Variants in ROBO1 observed in about 807,000 individuals in gnomAD.
The protein encoded by ROBO1 is roundabout homolog 1.
ROBO1 carries 149 observed loss-of-function variants against 195.9 expected under a neutral mutation model. That is an observed-to-expected ratio of 0.76 (90% CI 0.67 to 0.87). The LOEUF (loss-of-function observed/expected upper bound fraction) is 0.87. Among genes scored for constraint, ROBO1 ranks in the 40% least tolerant of loss-of-function variants. The probability of loss-of-function intolerance (pLI) is 0.00; values close to 1 mark genes in which losing one functional copy is unlikely to be tolerated. For missense variants in ROBO1, 1,933 were observed against 2,068.3 expected, an observed-to-expected ratio of 0.93 and a Z score of 1.27; for synonymous variants, 816 against 733.2, an observed-to-expected ratio of 1.11 and a Z score of -1.82.
chr3:78,709,592 C>G (rs1033822354), intron 8 of ROBO1, among the ~76,000 whole-genome samples: 4 of 152,136 alleles, frequency 2.6e-5, no homozygotes, highest in African/African-American at 7.2e-5. Context: ...GACAAGTAAT[C>G]CCATGAATGT....
At chr3:79,009,995 G>T (rs1055482309) in intron 3 of ROBO1, among the ~76,000 whole-genome samples, 5 of 152,036 alleles carry the variant, frequency 3.3e-5, no homozygotes, top group Non-Finnish European at 5.9e-5. Context: ...CCATGTTATG[G>T]GGCTGGACTT....
At chr3:79,452,807 T>C (rs1396826750) in intron 2 of ROBO1, among the ~76,000 whole-genome samples, 2 of 152,006 alleles carry the variant, frequency 1.3e-5, no homozygotes, top group African/African-American at 4.8e-5. Flanking sequence ...TCTCCAGACA[T>C]ATATCCAGCA....
chr3:79,527,994 T>C (rs1184528197), intron 2 of ROBO1: 1 of 15,602 alleles, frequency 6.4e-5, no homozygotes, highest in Non-Finnish European at 1.1e-4. Flanking sequence ...AATTGAGAAG[T>C]TATTTTACTG....
At chr3:79,350,567 A>C (rs1392422022) in intron 2 of ROBO1, among the ~76,000 whole-genome samples, 2 of 152,200 alleles carry the variant, frequency 1.3e-5, no homozygotes, top group African/African-American at 4.8e-5. Context: ...TGAATGGATA[A>C]ATAAAATGTG....
intron 8 of ROBO1, among the ~76,000 whole-genome samples, chr3:78,711,445 TTCC>T (rs1559774157): frequency 0.034 from 3,584 of 104,514 alleles, 430 homozygotes; most frequent in Non-Finnish European, 0.039. Flanking sequence ...CTTTCTTTCC[TTCC>T]TTCCTTCCTT....
intron 4 of ROBO1, among the ~76,000 whole-genome samples, chr3:78,879,443 T>C (rs540127611): frequency 1.3e-5 from 2 of 151,786 alleles, no homozygotes; most frequent in Non-Finnish European, 2.9e-5. Flanking sequence ...ATATACGAGG[T>C]TAGGCAAATA....
intron 3 of ROBO1, among the ~76,000 whole-genome samples, chr3:78,963,494 GTTTTTTTTTTTTTTTT>G (rs750158094): frequency 8.3e-5 from 6 of 72,304 alleles, no homozygotes; most frequent in Non-Finnish European, 9.1e-5. Context: ...AAAACCTTCA[GTTTTTTTTTTTTTTTT>G]TTTTTTTTTT....
chr3:78,663,665 C>A (rs1707562950), intron 14 of ROBO1, among the ~76,000 whole-genome samples: 1 of 152,152 alleles, frequency 6.6e-6, no homozygotes, highest in African/African-American at 2.4e-5. Flanking sequence ...GCATCAAAGG[C>A]AGCTAATCCT....
chr3:79,230,360 T>C (rs1454206370), intron 2 of ROBO1, among the ~76,000 whole-genome samples: 1 of 152,168 alleles, frequency 6.6e-6, no homozygotes, highest in Non-Finnish European at 1.5e-5. Context: ...CAATTTCTGG[T>C]CTCACCTTTT....
At chr3:79,628,397 A>G in intron 1 of ROBO1, among the ~76,000 whole-genome samples, 1 of 152,058 alleles carries the variant, frequency 6.6e-6, no homozygotes, top group Non-Finnish European at 1.5e-5. Flanking sequence ...AAAACCAAAC[A>G]CCGCATGTTC....
intron 2 of ROBO1, among the ~76,000 whole-genome samples, chr3:79,193,581 CT>C (rs869203963): frequency 0.021 from 1,816 of 85,574 alleles, 13 homozygotes; most frequent in African/African-American, 0.059. Context: ...TGTGGTTTTG[CT>C]TTTTTTTTTT....
At chr3:79,474,918 C>A (rs1306019488) in intron 2 of ROBO1, among the ~76,000 whole-genome samples, 1 of 151,942 alleles carries the variant, frequency 6.6e-6, no homozygotes, top group Non-Finnish European at 1.5e-5. Flanking sequence ...TTGTTAATTT[C>A]TGTTCCTTAA....
chr3:79,717,843 G>T (rs980981498), intron 1 of ROBO1, among the ~76,000 whole-genome samples: 2 of 151,960 alleles, frequency 1.3e-5, no homozygotes, highest in Non-Finnish European at 2.9e-5. Flanking sequence ...GTATATCTTT[G>T]TGTGTGTCTT....
chr3:79,531,578 CT>C (rs888135950), intron 2 of ROBO1, among the ~76,000 whole-genome samples: 62 of 152,172 alleles, frequency 4.1e-4, no homozygotes, highest in African/African-American at 1.5e-3. Flanking sequence ...ATAACGTAAA[CT>C]TTTTTCTGTC....
intron 4 of ROBO1, among the ~76,000 whole-genome samples, chr3:78,936,190 A>C (rs970693733): frequency 6.6e-6 from 1 of 152,062 alleles, no homozygotes; most frequent in African/African-American, 2.4e-5. Context: ...AAAGGTTTTA[A>C]ATGGCATTCT....
At position 78,626,148 on chromosome 3, in the gene ROBO1, C is replaced by G. The variant is rs376374870; in HGVS notation, c.3875+1173G>C. 2.8e-3 allele frequency among the ~76,000 whole-genome samples: 425 copies of G among 152,148 alleles called. 4 individuals carry two copies. Among genetic ancestry groups the G allele is most frequent in the African/African-American group, 9.7e-3 (401 of 41,516 alleles). On this transcript the variant is annotated intron_variant, in intron 26 of 30. Coordinates refer to ENST00000464233, the MANE Select transcript of ROBO1 (RefSeq NM_002941.4). ...AGGTAAGACAAGGGAACAAAAAAAA[C>G]AATGCTTAGATATTTCAGAGCTAAA...
intron 1 of ROBO1, among the ~76,000 whole-genome samples, chr3:79,630,792 A>G (rs1560053715): frequency 6.6e-6 from 1 of 152,092 alleles, no homozygotes; most frequent in Non-Finnish European, 1.5e-5. Flanking sequence ...TTCATGATAC[A>G]AAATCAACAT....
At chr3:79,376,509 G>A (rs1252834862) in intron 2 of ROBO1, among the ~76,000 whole-genome samples, 1 of 152,186 alleles carries the variant, frequency 6.6e-6, no homozygotes, top group Non-Finnish European at 1.5e-5. Flanking sequence ...GGGACCTGGT[G>A]TGAGGTAATT....
intron 2 of ROBO1, among the ~76,000 whole-genome samples, chr3:79,503,444 G>A (rs987883258): frequency 2.6e-5 from 4 of 152,220 alleles, no homozygotes; most frequent in Non-Finnish European, 5.9e-5. Context: ...GTGAGACCAA[G>A]AACCTACCAA....
Sources: gnomAD v4.1 joint callset for allele counts (sites outside exome capture counted in the v4.1 genomes callset) on GRCh38, gnomAD v4.1.1 for gene constraint, MANE v1.5 for transcripts, NCBI Gene and HGNC (gene_info 2026-07-23, HGNC 2026-07-21) for gene names.